Variants in CSGALNACT1 observed in about 807,000 individuals in gnomAD.
CSGALNACT1 encodes the protein beta4GalNAcT-1.
Under a neutral mutation model 51.0 loss-of-function variants are expected in CSGALNACT1, and 52 were observed. That is an observed-to-expected ratio of 1.02 (90% CI 0.82 to 1.29). The LOEUF (loss-of-function observed/expected upper bound fraction) is 1.29. Ranked by LOEUF, CSGALNACT1 falls within the 50% of genes most tolerant of loss-of-function variation. CSGALNACT1 has a pLI of 0.00. For missense variants in CSGALNACT1, 935 were observed against 679.2 expected (o/e 1.38, Z -4.19); for synonymous variants, 341 against 254.4 (o/e 1.34, Z -3.24).
At chr8:19,434,653 T>C (rs539273717) in intron 6 of CSGALNACT1, among the ~76,000 whole-genome samples, 1 of 152,178 alleles carries the variant, frequency 6.6e-6, no homozygotes, top group Non-Finnish European at 1.5e-5. Context: ...GAATCACGCT[T>C]AGCAAAGCCT....
intron 7 of CSGALNACT1, among the ~76,000 whole-genome samples, chr8:19,419,176 A>C (rs572565365): frequency 1.3e-5 from 2 of 152,100 alleles, no homozygotes; most frequent in South Asian, 4.2e-4. Context: ...CCTTGACTCA[A>C]CTCTAAAATG....
chr8:19,563,985 T>C (rs950103193), intron 3 of CSGALNACT1, among the ~76,000 whole-genome samples: 8 of 151,918 alleles, frequency 5.3e-5, no homozygotes, highest in African/African-American at 1.9e-4. Context: ...TCTCCACGGC[T>C]CTCCACACCA....
chr8:19,517,704 G>A (rs557763857), intron 3 of CSGALNACT1, among the ~76,000 whole-genome samples: 1 of 152,136 alleles, frequency 6.6e-6, no homozygotes, highest in African/African-American at 2.4e-5. Flanking sequence ...AAGCCAAAGG[G>A]GTTTCCCCTG....
chr8:19,405,713 G>A, exon 10 of CSGALNACT1: 1 of 1,593,308 alleles, frequency 6.3e-7, no homozygotes, highest in Non-Finnish European at 8.6e-7. Flanking sequence ...TCTTTTCTCT[G>A]TTGCAGCCAC....
chr8:19,427,087 T>C (rs1414319946), intron 6 of CSGALNACT1, among the ~76,000 whole-genome samples: 1 of 152,240 alleles, frequency 6.6e-6, no homozygotes, highest in Non-Finnish European at 1.5e-5. Flanking sequence ...CAATTTTTCA[T>C]AGTAGGCACT....
chr8:19,718,073 A>T (rs1308229233), intron 1 of CSGALNACT1, among the ~76,000 whole-genome samples: 1 of 152,054 alleles, frequency 6.6e-6, no homozygotes, highest in African/African-American at 2.4e-5. Context: ...CCTTTTTATG[A>T]TACCTAAAAG....
chr8:19,549,954 T>G (rs2087539926), intron 3 of CSGALNACT1, among the ~76,000 whole-genome samples: 1 of 152,126 alleles, frequency 6.6e-6, no homozygotes, highest in African/African-American at 2.4e-5. Flanking sequence ...CTGTTAAACA[T>G]TTTTGGGAAA....
intron 3 of CSGALNACT1, among the ~76,000 whole-genome samples, chr8:19,525,305 C>A (rs962313456): frequency 2.0e-5 from 3 of 152,014 alleles, no homozygotes; most frequent in Non-Finnish European, 4.4e-5. Context: ...TCTACTGGCA[C>A]TAAAAACCTG....
At chr8:19,428,399 A>G (rs2059112996) in intron 6 of CSGALNACT1, among the ~76,000 whole-genome samples, 1 of 152,148 alleles carries the variant, frequency 6.6e-6, no homozygotes, top group African/African-American at 2.4e-5. Flanking sequence ...GAGAATGAGA[A>G]CCAAGCAAAA....
chr8:19,466,724 A>C (rs144966263), intron 4 of CSGALNACT1, among the ~76,000 whole-genome samples: 38 of 152,292 alleles, frequency 2.5e-4, no homozygotes, highest in African/African-American at 9.1e-4. Context: ...GCTAGAAGGC[A>C]AATCACTCAC....
At chr8:19,501,541 C>T (rs991866338) in intron 4 of CSGALNACT1, among the ~76,000 whole-genome samples, 1 of 152,196 alleles carries the variant, frequency 6.6e-6, no homozygotes, top group Non-Finnish European at 1.5e-5. Flanking sequence ...CACCACACTA[C>T]TAACCCTGCA....
At chr8:19,469,535 G>A (rs1401484135) in intron 4 of CSGALNACT1, among the ~76,000 whole-genome samples, 1 of 152,154 alleles carries the variant, frequency 6.6e-6, no homozygotes, top group East Asian at 1.9e-4. Flanking sequence ...GGATGAAGGG[G>A]CAGCAGTGAG....
chr8:19,701,503 C>CA (rs1255288886), intron 1 of CSGALNACT1, among the ~76,000 whole-genome samples: 1 of 152,090 alleles, frequency 6.6e-6, no homozygotes, highest in African/African-American at 2.4e-5. Flanking sequence ...TGTGTACCTC[C>CA]AGTCTTCTTG....
intron 1 of CSGALNACT1, among the ~76,000 whole-genome samples, chr8:19,615,497 A>T (rs1371151018): frequency 6.6e-6 from 1 of 152,242 alleles, no homozygotes; most frequent in Non-Finnish European, 1.5e-5. Flanking sequence ...GCACCAACAG[A>T]ATAGGTACCA....
At chr8:19,628,165 A>G (rs968204851) in intron 1 of CSGALNACT1, among the ~76,000 whole-genome samples, 1 of 152,214 alleles carries the variant, frequency 6.6e-6, no homozygotes, top group Non-Finnish European at 1.5e-5. Context: ...CAGTTCTCAC[A>G]CTGCTATAAA....
intron 1 of CSGALNACT1, among the ~76,000 whole-genome samples, chr8:19,649,130 T>G (rs2057541584): frequency 6.6e-6 from 1 of 152,232 alleles, no homozygotes; most frequent in Non-Finnish European, 1.5e-5. Flanking sequence ...TCTCAATTAT[T>G]TCGTTTGTTC....
At chr8:19,455,782 C>G (rs1187807421) in intron 5 of CSGALNACT1, among the ~76,000 whole-genome samples, 16 of 152,196 alleles carry the variant, frequency 1.1e-4, no homozygotes, top group Admixed American at 1.0e-3. Flanking sequence ...CCCATTGTCC[C>G]CTGTCTGTAT....
intron 1 of CSGALNACT1, among the ~76,000 whole-genome samples, chr8:19,698,375 G>A (rs1251996237): frequency 6.6e-6 from 1 of 152,184 alleles, no homozygotes; most frequent in African/African-American, 2.4e-5. Flanking sequence ...ATGCACACTT[G>A]TTCATGCTTT....
At chr8:19,407,717 G>A (rs767624782) in intron 9 of CSGALNACT1, among the ~76,000 whole-genome samples, 4 of 151,454 alleles carry the variant, frequency 2.6e-5, no homozygotes, top group East Asian at 1.9e-4. Flanking sequence ...ACAGGCGTGC[G>A]CATGTGCATA....
Sources: allele counts gnomAD v4.1 joint callset (sites outside exome capture counted in the v4.1 genomes callset), GRCh38; gene constraint gnomAD v4.1.1; transcripts MANE v1.5; gene names NCBI Gene and HGNC (gene_info 2026-07-23, HGNC 2026-07-21).